UCK2: variants seen among roughly 807,000 people sequenced by gnomAD.
UCK2 encodes uridine-cytidine kinase 2.
UCK2 carries 6 observed loss-of-function variants against 30.8 expected under a neutral mutation model. The ratio of observed to expected loss-of-function variants is 0.19; its 90% CI spans 0.11 to 0.38. The LOEUF is 0.38. Among genes scored for constraint, UCK2 ranks in the 10% least tolerant of loss-of-function variants. The pLI, the probability that UCK2 is intolerant of heterozygous loss-of-function variation, is 1.00. For synonymous variants in UCK2, 125 were observed against 133.6 expected (o/e 0.94, Z 0.45); for missense variants, 210 against 339.8 (o/e 0.62, Z 3.00).
At chr1:165,877,255 C>G (rs377393768) in intron 1 of UCK2, among the ~76,000 whole-genome samples, 32 of 147,032 alleles carry the variant, frequency 2.2e-4, no homozygotes, top group African/African-American at 7.7e-4. Flanking sequence ...GATGGATAGT[C>G]GCTAATCTTT....
chr1:165,878,979 G>C (rs548665599), intron 1 of UCK2, among the ~76,000 whole-genome samples: 1 of 152,250 alleles, frequency 6.6e-6, no homozygotes, highest in East Asian at 1.9e-4. Flanking sequence ...GTTAGCACTT[G>C]GTGTTGTCAG....
In UCK2 at chr1:165,897,086, G is replaced by A. The variant is rs888471638; in HGVS notation, c.499+754G>A. On this transcript the variant is annotated intron_variant, in intron 4 of 6. Transcript: ENST00000367879. ...CTATAGGCAACCCATGAAGGTGCACGGCAGAGATGTACAGACAGTGGCTTG... is the reference window on the plus strand; with the variant it reads ...CTATAGGCAACCCATGAAGGTGCACAGCAGAGATGTACAGACAGTGGCTTG... 4.6e-5 allele frequency among the ~76,000 whole-genome samples: 7 copies of A among 152,348 alleles called. No individual in the cohort carries two copies. In the East Asian group the frequency reaches 5.8e-4, roughly 13 times the overall value.
chr1:165,907,876 G>A lies in UCK2; in HGVS notation c.*53G>A. The A allele has an allele frequency of 6.2e-7, 1 of 1,602,796 alleles. No homozygotes were observed. Among genetic ancestry groups the A allele is most frequent in the South Asian group, 1.1e-5 (1 of 89,292 alleles). ...TCTCCAAGAGACAGAGGAGGGGTCA[G>A]GAGGCACTGCTCATCTGTACATACT... On this transcript the variant is annotated 3_prime_UTR_variant, in exon 7 of 7. Coordinates refer to ENST00000367879, the MANE Select transcript of UCK2 (RefSeq NM_012474.5).
At chr1:165,867,759 A>C (rs1034839285) in intron 1 of UCK2, among the ~76,000 whole-genome samples, 10 of 152,216 alleles carry the variant, frequency 6.6e-5, no homozygotes, top group Admixed American at 4.6e-4. Flanking sequence ...ACTCCACTGA[A>C]GTCTTGAACC....
At chr1:165,866,347 G>A (rs150311052) in intron 1 of UCK2, among the ~76,000 whole-genome samples, 1 of 152,240 alleles carries the variant, frequency 6.6e-6, no homozygotes, top group African/African-American at 2.4e-5. Flanking sequence ...GAACCTGGAG[G>A]ACATCTTGGT....
At position 165,905,319 on chromosome 1, in the gene UCK2, T is replaced by TA. The variant is rs570704101; in HGVS notation, c.598-596dup. On this transcript the variant is annotated intron_variant, in intron 5 of 6. Transcript: ENST00000367879. ...GCAACATGGCGATACCCCCTCTCTA[T>TA]AAAAAATAACAAAAATTAGCTGGGT... 1.0e-3 allele frequency among the ~76,000 whole-genome samples: 156 copies of TA among 151,952 alleles called. 1 individual carries two copies. Among genetic ancestry groups the TA allele is most frequent in the Non-Finnish European group, 5.9e-4 (40 of 67,938 alleles).
chr1:165,848,232 A>G (rs1654499281), intron 1 of UCK2, among the ~76,000 whole-genome samples: 1 of 152,190 alleles, frequency 6.6e-6, no homozygotes, highest in South Asian at 2.1e-4. Flanking sequence ...GGTTTATTTT[A>G]TGACTTGCTC....
chr1:165,835,442 C>T (rs967345181), intron 1 of UCK2, among the ~76,000 whole-genome samples: 9 of 151,266 alleles, frequency 5.9e-5, no homozygotes, highest in Non-Finnish European at 8.8e-5. Context: ...CTCAAGCGGT[C>T]GTCCTGTCTT....
At chr1:165,863,583 C>CT (rs1169684525) in intron 1 of UCK2, among the ~76,000 whole-genome samples, 1 of 152,208 alleles carries the variant, frequency 6.6e-6, no homozygotes, top group Non-Finnish European at 1.5e-5. Context: ...AAGTTGGGGA[C>CT]TGCCTGTAGG....
Position 165,905,320 on chromosome 1 carries a change from A to G in UCK2, c.598-601A>G, listed in dbSNP as rs1251096482. Among the ~76,000 whole-genome samples the G allele has an allele frequency of 2.0e-5, 3 of 151,670 alleles. No homozygotes were observed. In the East Asian group the frequency reaches 5.8e-4, roughly 29 times the overall value. ...CAACATGGCGATACCCCCTCTCTATAAAAAATAACAAAAATTAGCTGGGTG... is the reference window on the plus strand; with the variant it reads ...CAACATGGCGATACCCCCTCTCTATGAAAAATAACAAAAATTAGCTGGGTG... On this transcript the variant is annotated intron_variant, in intron 5 of 6. Transcript: ENST00000367879.
At chr1:165,845,751 T>A (rs1028975119) in intron 1 of UCK2, among the ~76,000 whole-genome samples, 5 of 152,184 alleles carry the variant, frequency 3.3e-5, no homozygotes, top group Non-Finnish European at 4.4e-5. Flanking sequence ...CACTGCAGCC[T>A]CAACTTGCTG....
At chr1:165,897,495 A>G (rs1445879198) in intron 4 of UCK2, among the ~76,000 whole-genome samples, 1 of 152,098 alleles carries the variant, frequency 6.6e-6, no homozygotes, top group Non-Finnish European at 1.5e-5. Context: ...TAGAGGAATG[A>G]AAGGTGAGAA....
intron 1 of UCK2, among the ~76,000 whole-genome samples, chr1:165,883,017 G>A (rs968411965): frequency 1.3e-5 from 2 of 152,010 alleles, no homozygotes; most frequent in Admixed American, 6.6e-5. Context: ...GTAGAGACCG[G>A]GTTTCACCAT....
intron 1 of UCK2, among the ~76,000 whole-genome samples, chr1:165,833,040 G>T (rs533536598): frequency 1.4e-3 from 208 of 152,278 alleles, no homozygotes; most frequent in Middle Eastern, 6.8e-3. Context: ...TGCCACCTCA[G>T]TGCAGCTTGG....
chr1:165,905,272 C>G (rs550518865), intron 5 of UCK2, among the ~76,000 whole-genome samples: 7 of 152,122 alleles, frequency 4.6e-5, no homozygotes, highest in Non-Finnish European at 1.0e-4. Context: ...CGCTTGAGCC[C>G]AGGAGTTTGA....
At chr1:165,836,578 C>T (rs1654198166) in intron 1 of UCK2, among the ~76,000 whole-genome samples, 1 of 152,200 alleles carries the variant, frequency 6.6e-6, no homozygotes, top group South Asian at 2.1e-4. Flanking sequence ...TGGAAACCTC[C>T]AGACTTGTAA....
intron 1 of UCK2, among the ~76,000 whole-genome samples, chr1:165,873,131 A>T (rs1158528975): frequency 6.6e-6 from 1 of 152,250 alleles, no homozygotes; most frequent in African/African-American, 2.4e-5. Flanking sequence ...AGAAAACCAA[A>T]AAAACCCCCA....
chr1:165,832,088 A>G (rs900300923), intron 1 of UCK2, among the ~76,000 whole-genome samples: 1 of 152,132 alleles, frequency 6.6e-6, no homozygotes, highest in Non-Finnish European at 1.5e-5. Context: ...TACACAGCCA[A>G]ATGCACACAG....
intron 3 of UCK2, chr1:165,895,936 C>T (rs142117913): frequency 7.3e-4 from 275 of 377,130 alleles, no homozygotes; most frequent in African/African-American, 5.2e-3. Context: ...GGATGTCTGC[C>T]GTGTATTTCT....
Sources: allele counts gnomAD v4.1 joint callset (sites outside exome capture counted in the v4.1 genomes callset), GRCh38; gene constraint gnomAD v4.1.1; transcripts MANE v1.5; gene names NCBI Gene and HGNC (gene_info 2026-07-23, HGNC 2026-07-21).